Variants in LY96 observed in about 807,000 individuals in gnomAD.
The protein encoded by LY96 is lymphocyte antigen 96.
Under a neutral mutation model 18.9 loss-of-function variants are expected in LY96, and 18 were observed. The ratio of observed to expected loss-of-function variants is 0.95; its 90% CI spans 0.66 to 1.41. The LOEUF (loss-of-function observed/expected upper bound fraction) is 1.41, where lower values mean the gene tolerates loss of function less well. LY96 is among the 40% of genes most tolerant of loss of function. The pLI is 0.00. For missense variants in LY96, 175 were observed against 182.4 expected (o/e 0.96, Z 0.23); for synonymous variants, 66 against 62.6 (o/e 1.06, Z -0.26).
At chr8:74,071,031 T>A in the LY96 span, among the ~76,000 whole-genome samples, 1 of 152,144 alleles carries the variant, frequency 6.6e-6, no homozygotes, top group African/African-American at 2.4e-5. Flanking sequence ...CTTATTCTCA[T>A]CCCCATTTTA....
intron 3 of LY96, among the ~76,000 whole-genome samples, chr8:74,025,038 G>C (rs145557534): frequency 2.3e-3 from 344 of 152,234 alleles, no homozygotes; most frequent in East Asian, 0.017. Context: ...TGTTGCCCAG[G>C]CTGGTCTTGA....
At chr8:74,003,518 C>T (rs1183770698) in intron 1 of LY96, among the ~76,000 whole-genome samples, 1 of 152,248 alleles carries the variant, frequency 6.6e-6, no homozygotes, top group African/African-American at 2.4e-5. Flanking sequence ...TCATAACCTT[C>T]ACCATGGTGC....
At chr8:74,081,906 G>A in the LY96 span, among the ~76,000 whole-genome samples, 8 of 152,118 alleles carry the variant, frequency 5.3e-5, no homozygotes, top group African/African-American at 1.4e-4. Flanking sequence ...AAAGTGCTGC[G>A]ATTACAGGCG....
At position 74,027,098 on chromosome 8, in the gene LY96, C is replaced by T. The variant is rs375376531; in HGVS notation, c.384+257C>T. Among the ~76,000 whole-genome samples the T allele has an allele frequency of 1.1e-4, 16 of 151,990 alleles. No homozygotes were observed. The East Asian group carries it at 1.7e-3, about 16-fold the overall frequency. ...GGGACTACATGTCCATGCCACAATGCCAGCTAATGTTTTGTACTTTTGGAA... is the reference window on the plus strand; with the variant it reads ...GGGACTACATGTCCATGCCACAATGTCAGCTAATGTTTTGTACTTTTGGAA... On this transcript the variant is annotated intron_variant, in intron 4 of 4. Coordinates refer to ENST00000284818, the MANE Select transcript of LY96 (RefSeq NM_015364.5).
At chr8:74,026,736 A>T in intron 3 of LY96, 53 bp from the exon 4 acceptor site, 1 of 1,038,218 alleles carries the variant, frequency 9.6e-7, no homozygotes, top group Non-Finnish European at 1.5e-6. Context: ...CCAAGAAAAA[A>T]ATATCACCTA....
chr8:74,065,283 T>C, the LY96 span, among the ~76,000 whole-genome samples: 1 of 152,228 alleles, frequency 6.6e-6, no homozygotes, highest in East Asian at 1.9e-4. Flanking sequence ...GCAGACATTC[T>C]CAGGACCTTT....
the LY96 span, among the ~76,000 whole-genome samples, chr8:74,046,243 C>T: frequency 6.6e-6 from 1 of 152,198 alleles, no homozygotes; most frequent in African/African-American, 2.4e-5. Flanking sequence ...TGTGCCACTG[C>T]ACTCAGGCCT....
chr8:74,061,934 TTTGGA>T, the LY96 span, among the ~76,000 whole-genome samples: 24 of 152,148 alleles, frequency 1.6e-4, no homozygotes, highest in African/African-American at 5.3e-4. Flanking sequence ...TCTTTAAACT[TTTGGA>T]TTGAAGTACA....
chr8:74,028,926 A>G, intron 4 of LY96, 30 bp from the exon 5 acceptor site: 2 of 1,320,556 alleles, frequency 1.5e-6, no homozygotes, highest in Non-Finnish European at 2.2e-6. Context: ...AACATTTTGT[A>G]TTACTTGTAT....
the LY96 span, among the ~76,000 whole-genome samples, chr8:74,050,929 A>G: frequency 2.0e-5 from 3 of 152,210 alleles, no homozygotes; most frequent in Non-Finnish European, 4.4e-5. Context: ...AGGCTGAGGC[A>G]GGAGAATCGC....
the LY96 span, among the ~76,000 whole-genome samples, chr8:74,080,319 G>A: frequency 6.6e-6 from 1 of 152,120 alleles, no homozygotes; most frequent in South Asian, 2.1e-4. Context: ...GTACCTCATC[G>A]GAAGTTCTTT....
chr8:73,992,063 AC>A (rs1185642882), intron 1 of LY96, among the ~76,000 whole-genome samples: 2 of 152,164 alleles, frequency 1.3e-5, no homozygotes, highest in African/African-American at 4.8e-5. Flanking sequence ...CCTTTTTAGC[AC>A]TGAAGTGAAA....
chr8:74,028,312 G>A (rs182486475), intron 4 of LY96, among the ~76,000 whole-genome samples: 471 of 152,022 alleles, frequency 3.1e-3, no homozygotes, highest in Admixed American at 5.8e-3. Flanking sequence ...ATTTTTTTCC[G>A]CTTCATTTTT....
the LY96 span, among the ~76,000 whole-genome samples, chr8:74,034,538 TC>T: frequency 1.3e-5 from 2 of 152,178 alleles, no homozygotes; most frequent in Non-Finnish European, 2.9e-5. Flanking sequence ...TCATTTTTCT[TC>T]TTATTTTTAG....
chr8:74,092,994 T>C, the LY96 span, among the ~76,000 whole-genome samples: 1 of 152,226 alleles, frequency 6.6e-6, no homozygotes. Context: ...TGGTTTCTTA[T>C]TGTTTTAGTA....
the LY96 span, among the ~76,000 whole-genome samples, chr8:74,098,846 C>T: frequency 2.0e-5 from 3 of 152,146 alleles, no homozygotes; most frequent in Non-Finnish European, 4.4e-5. Context: ...ACAGAGTTAG[C>T]AATTCTAAGA....
At chr8:74,093,206 G>A in the LY96 span, among the ~76,000 whole-genome samples, 2 of 152,066 alleles carry the variant, frequency 1.3e-5, no homozygotes, top group Admixed American at 6.6e-5. Flanking sequence ...CCTCTGCAAC[G>A]TTGCTTTCCT....
In LY96 at chr8:74,028,949, A is replaced by G; in HGVS notation, c.385-7A>G. The G allele has an allele frequency of 6.4e-7, 1 of 1,559,944 alleles. No homozygotes were observed. Among genetic ancestry groups the G allele is most frequent in the Non-Finnish European group, 8.8e-7 (1 of 1,132,262 alleles). On this transcript the variant is annotated splice_polypyrimidine_tract_variant and splice_region_variant and intron_variant, in intron 4 of 4. Transcript: ENST00000284818. The stretch of plus-strand genomic sequence containing the variant: ...GTATTACTTGTATTTCTTATACTTC[A>G]TTTTAGGGAAAATACAAATGTGTTG...
the LY96 span, among the ~76,000 whole-genome samples, chr8:74,048,479 C>T: frequency 2.6e-5 from 4 of 152,110 alleles, no homozygotes; most frequent in African/African-American, 9.7e-5. Flanking sequence ...TCTGGAGGCT[C>T]CGATGTTGGG....
Sources: gnomAD v4.1 joint callset for allele counts (sites outside exome capture counted in the v4.1 genomes callset) on GRCh38, gnomAD v4.1.1 for gene constraint, MANE v1.5 for transcripts, NCBI Gene and HGNC (gene_info 2026-07-23, HGNC 2026-07-21) for gene names.